The following CCL24 variants were observed in gnomAD, a reference collection of about 807,000 sequenced individuals.
The protein encoded by CCL24 is C-C motif chemokine ligand 24.
In CCL24, 6 loss-of-function variants were observed where a neutral mutation model predicts 8.6. That is an observed-to-expected ratio of 0.70 (90% CI 0.38 to 1.38). CCL24 has a LOEUF of 1.38. Ranked by LOEUF, CCL24 falls within the 40% of genes most tolerant of loss-of-function variation. The pLI is 0.02. For synonymous variants in CCL24, 59 were observed against 52.7 expected (o/e 1.12, Z -0.52); for missense variants, 126 against 147.1 (o/e 0.86, Z 0.74).
At chr7:75,823,015 G>C (rs1263779071) in intron 1 of CCL24, among the ~76,000 whole-genome samples, 1 of 152,082 alleles carries the variant, frequency 6.6e-6, no homozygotes, top group Non-Finnish European at 1.5e-5. Flanking sequence ...TTCACTTTCC[G>C]AGCTGCTCTC....
upstream of CCL24, chr7:75,813,832 T>A: frequency 2.8e-6 from 2 of 724,640 alleles, no homozygotes; most frequent in Middle Eastern, 2.6e-4. Flanking sequence ...CCTCTGCCCT[T>A]TATGGGGCAA....
intron 1 of CCL24, among the ~76,000 whole-genome samples, chr7:75,822,551 A>C (rs1804071735): frequency 2.6e-5 from 4 of 152,280 alleles, no homozygotes; most frequent in Middle Eastern, 3.4e-3. Context: ...ACTGAGGTTC[A>C]GGCTGGGCAT....
At chr7:75,819,490 C>T (rs1170078023) in intron 1 of CCL24, among the ~76,000 whole-genome samples, 1 of 149,364 alleles carries the variant, frequency 6.7e-6, no homozygotes, top group Admixed American at 6.7e-5. Context: ...TAGCCAGACA[C>T]TGGGGTGCAT....
intron 2 of CCL24, 68 bp from the exon 3 acceptor site, chr7:75,812,032 G>C: frequency 7.5e-7 from 1 of 1,331,618 alleles, no homozygotes; most frequent in Non-Finnish European, 1.0e-6. Context: ...ACTTCATGGC[G>C]GGGGGGATGT....
chr7:75,811,547 C>T lies in CCL24; in HGVS notation c.*249G>A, dbSNP rs1803759978. 2.6e-6 allele frequency: 1 copy of T among 391,658 alleles called. No individual in the cohort carries two copies. The highest frequency in any genetic ancestry group is 4.5e-6 in the Non-Finnish European group (1 of 220,018). 24.3% of individuals were successfully genotyped at this position (391,658 alleles called of 1,614,324 possible). ...GAGAAGGCAAAGAGTTGCCACTGCTCTCCTTCTGGGATCTTCTCACCCAGC... is the reference window on the plus strand; with the variant it reads ...GAGAAGGCAAAGAGTTGCCACTGCTTTCCTTCTGGGATCTTCTCACCCAGC... On this transcript the variant is annotated 3_prime_UTR_variant, in exon 3 of 3. Transcript: ENST00000222902.
At chr7:75,822,947 C>T (rs548499847) in intron 1 of CCL24, among the ~76,000 whole-genome samples, 3 of 152,234 alleles carry the variant, frequency 2.0e-5, no homozygotes, top group Non-Finnish European at 4.4e-5. Flanking sequence ...AACCTATGCC[C>T]TTGTCATGGT....
At position 75,822,855 on chromosome 7, in the gene CCL24, T is replaced by A. The variant is rs891550965; in HGVS notation, c.-60+467A>T. Among the ~76,000 whole-genome samples the A allele has an allele frequency of 2.0e-5, 3 of 152,020 alleles. No homozygotes were observed. The South Asian group carries it at 6.2e-4, about 32-fold the overall frequency. On this transcript the variant is annotated intron_variant, in intron 1 of 3. Coordinates refer to the CCL24 transcript ENST00000416943. ...AAAAAGAAAAAAAAGAAAAGAAAAC[T>A]GAGGTTTAGAGAGTTAAATGACTTG...
At chr7:75,820,730 T>A in intron 1 of CCL24, among the ~76,000 whole-genome samples, 1 of 142,402 alleles carries the variant, frequency 7.0e-6, no homozygotes, top group East Asian at 2.2e-4. Context: ...CATCCACCCA[T>A]CCACCTACCC....
intron 1 of CCL24, among the ~76,000 whole-genome samples, chr7:75,819,303 AATATATATATATATATATATATAT>A (rs71082353): frequency 2.3e-4 from 4 of 17,102 alleles, no homozygotes; most frequent in African/African-American, 5.6e-4. Context: ...AAAAAAAAAA[AATATATATATATATATATATATAT>A]ATATATATAT....
intron 1 of CCL24, among the ~76,000 whole-genome samples, chr7:75,820,093 T>TCCTCTTCTTCTTC: frequency 7.5e-6 from 1 of 132,658 alleles, no homozygotes; most frequent in South Asian, 2.7e-4. Flanking sequence ...TTCTTCCTCT[T>TCCTCTTCTTCTTC]CTTCTTCTTC....
intron 2 of CCL24, 133 bp from the exon 3 acceptor site, chr7:75,812,097 C>A (rs1803778329): frequency 3.0e-6 from 2 of 675,332 alleles, no homozygotes; most frequent in Non-Finnish European, 5.0e-6. Context: ...ATGTCATCTT[C>A]ATTTTTTGAC....
At chr7:75,815,941 C>A (rs1274343518), upstream of CCL24, among the ~76,000 whole-genome samples, 1 of 152,166 alleles carries the variant, frequency 6.6e-6, no homozygotes, top group African/African-American at 2.4e-5. Context: ...CACTCCCATA[C>A]CCAACCCCTC....
At chr7:75,820,113 CTT>C (rs1804008824) in intron 1 of CCL24, among the ~76,000 whole-genome samples, 4 of 126,688 alleles carry the variant, frequency 3.2e-5, no homozygotes, top group Admixed American at 8.6e-5. Flanking sequence ...CTTCCTTCTT[CTT>C]CTTCTTCTTC....
chr7:75,814,021 G>A (rs1803834614), upstream of CCL24, among the ~76,000 whole-genome samples: 2 of 152,172 alleles, frequency 1.3e-5, no homozygotes, highest in Admixed American at 6.5e-5. Context: ...GTTCAAAGGT[G>A]TTGGATGCAT....
At chr7:75,817,630 G>T (rs62477637), upstream of CCL24, among the ~76,000 whole-genome samples, 20,021 of 151,256 alleles carry the variant, frequency 0.13, 2,140 homozygotes, top group East Asian at 0.48. Context: ...AGCCTCCTGA[G>T]TAGCTGGGAT....
intron 2 of CCL24, among the ~76,000 whole-genome samples, chr7:75,813,072 C>A: frequency 6.6e-6 from 1 of 152,140 alleles, no homozygotes; most frequent in East Asian, 1.9e-4. Context: ...CGTGCCACTG[C>A]ACTCCAGCTT....
upstream of CCL24, among the ~76,000 whole-genome samples, chr7:75,816,571 A>AT (rs139417962): frequency 2.6e-5 from 4 of 151,654 alleles, no homozygotes; most frequent in Middle Eastern, 3.4e-3. Flanking sequence ...TTATTTATTT[A>AT]TTATTTTTGA....
chr7:75,814,686 C>T (rs1469149400), upstream of CCL24, among the ~76,000 whole-genome samples: 2 of 151,936 alleles, frequency 1.3e-5, no homozygotes, highest in East Asian at 1.9e-4. Flanking sequence ...CAACAGCCAT[C>T]GCCTGTACCC....
chr7:75,813,046 T>C (rs1475482815), intron 2 of CCL24, among the ~76,000 whole-genome samples: 1 of 151,974 alleles, frequency 6.6e-6, no homozygotes. Flanking sequence ...GAGGCTGCAA[T>C]GCAATGAGCT....
Sources: gnomAD v4.1 joint callset for allele counts (sites outside exome capture counted in the v4.1 genomes callset) on GRCh38, gnomAD v4.1.1 for gene constraint, MANE v1.5 for transcripts, NCBI Gene and HGNC (gene_info 2026-07-23, HGNC 2026-07-21) for gene names.